Variants in ABCC8 observed in about 807,000 individuals in gnomAD.
ABCC8 encodes ATP-binding cassette sub-family C member 8.
In ABCC8, 137 loss-of-function variants were observed where a neutral mutation model predicts 188.0. That is an observed-to-expected ratio of 0.73 (90% CI 0.63 to 0.84). The LOEUF (loss-of-function observed/expected upper bound fraction) is 0.84, where lower values mean the gene tolerates loss of function less well. ABCC8 is among the 40% of genes least tolerant of loss of function. The probability of loss-of-function intolerance (pLI) is 0.00; values close to 1 mark genes in which losing one functional copy is unlikely to be tolerated. For synonymous variants in ABCC8, 797 were observed against 846.5 expected (o/e 0.94, Z 1.01); for missense variants, 1,750 against 2,072.7 (o/e 0.84, Z 3.02).
intron 36 of ABCC8, among the ~76,000 whole-genome samples, chr11:17,394,686 G>C (rs1000775806): frequency 6.6e-6 from 1 of 152,184 alleles, no homozygotes; most frequent in African/African-American, 2.4e-5. Context: ...GAGTGTGTAT[G>C]TAGGGCCTTG....
rs748585974 is a variant in ABCC8, at chr11:17,408,459, C to T, written c.2753G>A (p.Arg918Lys). Residue 918 changes from arginine (R) to lysine (K), a missense_variant, in exon 23 of 39, where the codon AGG (arginine) becomes AAG (lysine). Arg to Lys is a conservative substitution (Grantham distance 26, BLOSUM62 2). Coordinates refer to ENST00000389817, the MANE Select transcript of ABCC8 (RefSeq NM_000352.6). ...QREGTLKDFQ[R>K]SECQLFEHWK... is the part of the protein sequence containing the mutation. ...GTGCTCAAAGAGCTGGCATTCAGAC[C>T]TCTGGAAGTCCTTGAGGGTACCCTC... 13 of 1,613,732 alleles carry T rather than the reference C, an allele frequency of 8.1e-6. No homozygotes were observed. The East Asian group carries it at 2.9e-4, about 36-fold the overall frequency.
chr11:17,465,852 G>A (rs1011507359), intron 3 of ABCC8, among the ~76,000 whole-genome samples: 1 of 151,954 alleles, frequency 6.6e-6, no homozygotes, highest in African/African-American at 2.4e-5. Flanking sequence ...TCCCCATCTT[G>A]TTCTCCTCCA....
chr11:17,470,026 C>T (rs1435373588), intron 3 of ABCC8, 75 bp downstream of exon 3: 2 of 1,553,446 alleles, frequency 1.3e-6, no homozygotes, highest in Non-Finnish European at 1.8e-6. Flanking sequence ...ATAGCTGGCA[C>T]ATAATGAGTC....
At chr11:17,422,692 C>T (rs943372795) in intron 16 of ABCC8, among the ~76,000 whole-genome samples, 4 of 152,144 alleles carry the variant, frequency 2.6e-5, no homozygotes, top group Non-Finnish European at 4.4e-5. Flanking sequence ...TTCTCTGTTT[C>T]CCCAATCCAT....
chr11:17,439,115 T>C (rs60337653), intron 10 of ABCC8, among the ~76,000 whole-genome samples: 3,972 of 152,282 alleles, frequency 0.026, 179 homozygotes, highest in African/African-American at 0.092. Flanking sequence ...GTGGGGCACA[T>C]GAATAGGGCT....
chr11:17,457,431 CT>C (rs1186017707), intron 6 of ABCC8, among the ~76,000 whole-genome samples: 1 of 152,220 alleles, frequency 6.6e-6, no homozygotes, highest in Non-Finnish European at 1.5e-5. Flanking sequence ...CTGTTTGAAG[CT>C]TTAGCCCTTC....
chr11:17,419,243 C>G (rs148943880), intron 16 of ABCC8, among the ~76,000 whole-genome samples: 2 of 152,332 alleles, frequency 1.3e-5, no homozygotes, highest in East Asian at 3.9e-4. Flanking sequence ...GATTCGATTC[C>G]TCCTCTGCCT....
intron 16 of ABCC8, among the ~76,000 whole-genome samples, chr11:17,425,285 C>T (rs997009512): frequency 2.0e-5 from 3 of 152,230 alleles, no homozygotes; most frequent in African/African-American, 7.2e-5. Flanking sequence ...CACGACCCCA[C>T]TGAGGAGGGA....
intron 10 of ABCC8, among the ~76,000 whole-genome samples, chr11:17,433,147 C>T (rs1436208294): frequency 6.6e-6 from 1 of 152,150 alleles, no homozygotes; most frequent in African/African-American, 2.4e-5. Flanking sequence ...GTGTAAAATG[C>T]TCAACAGTGC....
intron 18 of ABCC8, 36 bp from the exon 19 acceptor site, chr11:17,414,646 G>C (rs1800851): frequency 1.2e-6 from 2 of 1,612,786 alleles, no homozygotes; most frequent in South Asian, 1.1e-5. Flanking sequence ...GGGTGCGGAA[G>C]GCATTCTCAG....
At chr11:17,395,563 C>T (rs962385674) in intron 35 of ABCC8, 47 bp downstream of exon 35, 9 of 1,540,406 alleles carry the variant, frequency 5.8e-6, no homozygotes, top group Non-Finnish European at 7.0e-6. Context: ...TCTGATGGAA[C>T]TGAGCCGGCC....
chr11:17,467,230 A>C (rs1418796040), intron 3 of ABCC8, among the ~76,000 whole-genome samples: 1 of 152,214 alleles, frequency 6.6e-6, no homozygotes, highest in African/African-American at 2.4e-5. Flanking sequence ...AGCATGGTCA[A>C]CAGGGTGAAA....
chr11:17,463,562 A>G lies in ABCC8; in HGVS notation c.455T>C (p.Ile152Thr), dbSNP rs759316469. ...YWTLAFITKT[I>T]KFVKFLDHAI... is the part of the protein sequence containing the mutation. Reference sequence around the variant, plus strand: ...GTGGTCCAAGAACTTGACAAACTTGATGGTCTTGGTGATGAAGGCCAGGGT... The same window carrying G: ...GTGGTCCAAGAACTTGACAAACTTGGTGGTCTTGGTGATGAAGGCCAGGGT... The change falls in exon 4 of 39, where the codon ATC becomes ACC. Residue 152 changes from isoleucine to threonine, a missense_variant. By Grantham distance (89) the Ile-to-Thr change is moderately conservative. Transcript: ENST00000389817. The G allele has an allele frequency of 1.6e-5, 26 of 1,593,358 alleles. No individual in the cohort carries two copies. The highest frequency in any genetic ancestry group is 2.1e-5 in the Non-Finnish European group (24 of 1,169,750).
At chr11:17,416,342 A>T (rs1429452181) in intron 17 of ABCC8, among the ~76,000 whole-genome samples, 1 of 152,184 alleles carries the variant, frequency 6.6e-6, no homozygotes. Context: ...TAAAGCAACA[A>T]GACTGAATTT....
At chr11:17,420,075 C>T (rs1294012942) in intron 16 of ABCC8, among the ~76,000 whole-genome samples, 3 of 152,094 alleles carry the variant, frequency 2.0e-5, no homozygotes, top group Admixed American at 6.5e-5. Flanking sequence ...GAATCAGATA[C>T]CCCCAACACT....
Position 17,408,486 on chromosome 11 carries a change from C to T in ABCC8, c.2726G>A (p.Arg909Lys), listed in dbSNP as rs1445413776. 4.3e-6 allele frequency: 7 copies of T among 1,613,352 alleles called. No homozygotes were observed. The highest frequency in any genetic ancestry group is 1.1e-5 in the South Asian group (1 of 91,062). The change falls in exon 23 of 39, where the codon AGG (arginine) becomes AAG (lysine). Residue 909 changes from arginine (R) to lysine (K), a missense_variant. Coordinates refer to ENST00000389817, the MANE Select transcript of ABCC8 (RefSeq NM_000352.6). ...CTGGAAGTCCTTGAGGGTACCCTCC[C>T]TCTGGATGGTGCCATCCTTCATGGC... ...IIAMKDGTIQREGTLKDFQRS... is the reference protein window; with the variant it reads ...IIAMKDGTIQKEGTLKDFQRS...
intron 1 of ABCC8, among the ~76,000 whole-genome samples, chr11:17,475,286 C>T (rs576863249): frequency 5.9e-4 from 90 of 152,330 alleles, no homozygotes; most frequent in Admixed American, 5.4e-3. Flanking sequence ...GCCACGATCA[C>T]GGCTCACTAC....
chr11:17,445,204 G>T (rs2133604243), intron 8 of ABCC8, among the ~76,000 whole-genome samples: 1 of 152,336 alleles, frequency 6.6e-6, no homozygotes, highest in African/African-American at 2.4e-5. Flanking sequence ...AATGTCAGGG[G>T]GGCACCCATG....
In ABCC8 at chr11:17,463,427, G is replaced by A. The variant is rs779084508; in HGVS notation, c.579+11C>T. ...CTTCCCACCCCACCCTGGCCCAGGT[G>A]GCCTGCTTACCCTCACCCTGATGAC... On this transcript the variant is annotated intron_variant, in intron 4 of 38. Transcript: ENST00000389817. The A allele has an allele frequency of 2.5e-6, 4 of 1,597,244 alleles. No individual in the cohort carries two copies. In the East Asian group the frequency reaches 6.8e-5, roughly 27 times the overall value.
Sources: allele counts gnomAD v4.1 joint callset (sites outside exome capture counted in the v4.1 genomes callset), GRCh38; gene constraint gnomAD v4.1.1; transcripts MANE v1.5; gene names NCBI Gene and HGNC (gene_info 2026-07-23, HGNC 2026-07-21).